DNAI7: variants seen among roughly 807,000 people sequenced by gnomAD.
DNAI7 encodes dynein axonemal intermediate chain 7, also known as cancer susceptibility 1.
DNAI7 carries 78 observed loss-of-function variants against 86.6 expected under a neutral mutation model. The ratio of observed to expected loss-of-function variants is 0.90; its 90% CI spans 0.75 to 1.09. DNAI7 has a LOEUF of 1.09. Among genes scored for constraint, DNAI7 ranks in the 50% least tolerant of loss-of-function variants. The pLI is 0.00. For missense variants in DNAI7, 753 were observed against 810.2 expected (o/e 0.93, Z 0.86); for synonymous variants, 274 against 273.0 (o/e 1.00, Z -0.04).
At chr12:25,159,902 TTTAA>T (rs1441349941) in intron 3 of DNAI7, among the ~76,000 whole-genome samples, 2 of 152,200 alleles carry the variant, frequency 1.3e-5, no homozygotes, top group Non-Finnish European at 2.9e-5. Flanking sequence ...TTTTTGGTAC[TTTAA>T]TTAATAAACA....
At chr12:25,143,032 G>GA (rs1468452295) in intron 9 of DNAI7, among the ~76,000 whole-genome samples, 6 of 145,548 alleles carry the variant, frequency 4.1e-5, no homozygotes, top group Non-Finnish European at 9.3e-5. Context: ...CTATCTTATT[G>GA]CCCAAAAAAC....
chr12:25,158,710 G>A, intron 3 of DNAI7, 147 bp from the exon 4 acceptor site: 2 of 1,482,916 alleles, frequency 1.3e-6, no homozygotes, highest in Non-Finnish European at 1.8e-6. Context: ...TGAGAAAAGT[G>A]TCAGTTCTCC....
chr12:25,134,769 G>A (rs1943346958), intron 9 of DNAI7, among the ~76,000 whole-genome samples: 1 of 152,110 alleles, frequency 6.6e-6, no homozygotes, highest in Non-Finnish European at 1.5e-5. Flanking sequence ...ACTGGATGTA[G>A]TTAAACTCAT....
intron 2 of DNAI7, among the ~76,000 whole-genome samples, chr12:25,164,397 C>A (rs1947196397): frequency 6.6e-6 from 1 of 152,100 alleles, no homozygotes; most frequent in Admixed American, 6.5e-5. Context: ...GCCTCCTTCA[C>A]TATGGGCAAG....
Position 25,113,949 on chromosome 12 carries a change from T to TG in DNAI7, c.1611+706_1611+707insC, listed in dbSNP as rs1565622441. 2.3e-3 allele frequency among the ~76,000 whole-genome samples: 123 copies of TG among 53,416 alleles called. No individual in the cohort carries two copies. In the South Asian group the frequency reaches 0.032, roughly 14 times the overall value. The allele number at this position is 53,416 out of a possible 152,430, so 35.0% of individuals were successfully genotyped here. The stretch of plus-strand genomic sequence containing the variant: ...TTCTTTCTTTCTGGGTTTTTTTTTT[T>TG]TTTTTTTTTTTTTTGAGACAGAGTT... On this transcript the variant is annotated intron_variant, in intron 13 of 15. Transcript: ENST00000395987.
At chr12:25,190,561 C>T in intron 2 of DNAI7, 53 bp downstream of exon 2, 1 of 758,428 alleles carries the variant, frequency 1.3e-6, no homozygotes, top group Non-Finnish European at 2.1e-6. Flanking sequence ...ATATTCTGTT[C>T]ATACACTGTA....
At chr12:25,108,177 T>C, downstream of DNAI7, 1 of 1,155,410 alleles carries the variant, frequency 8.7e-7, no homozygotes. Flanking sequence ...TCAGAATGAC[T>C]GTAAGATAGC....
At chr12:25,108,268 TTTTAAGGAAGAAA>T (rs532021832), downstream of DNAI7, 1 of 578,764 alleles carries the variant, frequency 1.7e-6, no homozygotes, top group Non-Finnish European at 2.9e-6. Context: ...TGAATGAGCT[TTTTAAGGAAGAAA>T]TATTATATAT....
chr12:25,132,166 A>G (rs11829456), intron 9 of DNAI7, among the ~76,000 whole-genome samples: 13,988 of 152,070 alleles, frequency 0.092, 1,983 homozygotes, highest in African/African-American at 0.31. Context: ...TTCATTTCCT[A>G]TGAGGAAAGT....
At chr12:25,107,745 T>C (rs2140294120), downstream of DNAI7, 3 of 1,424,760 alleles carry the variant, frequency 2.1e-6, no homozygotes, top group South Asian at 3.7e-5. Flanking sequence ...ACCTGACTGG[T>C]GGTGTTAGCA....
intron 8 of DNAI7, among the ~76,000 whole-genome samples, chr12:25,145,818 C>T (rs189892734): frequency 5.3e-5 from 8 of 152,290 alleles, no homozygotes; most frequent in South Asian, 2.1e-4. Flanking sequence ...CAAGCAGCAA[C>T]CAAGCACTCA....
chr12:25,137,555 T>C (rs1218099292), intron 9 of DNAI7, among the ~76,000 whole-genome samples: 1 of 152,244 alleles, frequency 6.6e-6, no homozygotes, highest in South Asian at 2.1e-4. Flanking sequence ...AATACTAACA[T>C]TGGATGTAAA....
chr12:25,149,597 A>C, intron 7 of DNAI7, 31 bp downstream of exon 7: 1 of 1,506,508 alleles, frequency 6.6e-7, no homozygotes, highest in African/African-American at 1.4e-5. Flanking sequence ...CTCTTATAAA[A>C]CTTAATATAT....
At chr12:25,187,494 G>A (rs1950134961) in intron 2 of DNAI7, among the ~76,000 whole-genome samples, 1 of 152,042 alleles carries the variant, frequency 6.6e-6, no homozygotes, top group South Asian at 2.1e-4. Flanking sequence ...TTGAATGTAA[G>A]CTTCATGAAG....
At position 25,154,435 on chromosome 12, in the gene DNAI7, C is replaced by T. The variant is rs1945919492; in HGVS notation, c.322G>A (p.Asp108Asn). The change falls in exon 6 of 16, where the codon GAT (aspartate) becomes AAT (asparagine). Residue 108 changes from aspartate to asparagine, a missense_variant. Transcript: ENST00000395987. Reference protein sequence around the residue: ...LSQWKHYIQCDGSPDPSVAQE... With the variant: ...LSQWKHYIQCNGSPDPSVAQE... ...GCTACTGAAGGATCAGGACTCCCAT[C>T]ACATTGAATGTAGTGCTTCCACTGT... 1.2e-6 allele frequency: 2 copies of T among 1,609,866 alleles called. No homozygotes were observed. Among genetic ancestry groups the T allele is most frequent in the East Asian group, 2.2e-5 (1 of 44,690 alleles).
At chr12:25,133,607 C>T (rs144584183) in intron 9 of DNAI7, among the ~76,000 whole-genome samples, 5 of 152,318 alleles carry the variant, frequency 3.3e-5, no homozygotes, top group African/African-American at 9.6e-5. Flanking sequence ...TGGGGTTCTT[C>T]GGCTTCTGTG....
intron 8 of DNAI7, among the ~76,000 whole-genome samples, chr12:25,145,988 C>A (rs181102890): frequency 6.6e-6 from 1 of 151,702 alleles, no homozygotes; most frequent in Non-Finnish European, 1.5e-5. Flanking sequence ...TTTGGGAGGC[C>A]GAGATGTGCG....
chr12:25,131,040 G>T (rs1416951122), intron 9 of DNAI7, among the ~76,000 whole-genome samples: 2 of 151,632 alleles, frequency 1.3e-5, no homozygotes, highest in Admixed American at 6.6e-5. Context: ...GGCCATAATT[G>T]CCTGCATTAT....
chr12:25,189,475 T>C (rs1328895799), intron 2 of DNAI7, among the ~76,000 whole-genome samples: 1 of 152,026 alleles, frequency 6.6e-6, no homozygotes, highest in East Asian at 1.9e-4. Context: ...ACCCTGTCTC[T>C]ACCAAAAAAT....
Sources: allele counts gnomAD v4.1 joint callset (sites outside exome capture counted in the v4.1 genomes callset), GRCh38; gene constraint gnomAD v4.1.1; transcripts MANE v1.5; gene names NCBI Gene and HGNC (gene_info 2026-07-23, HGNC 2026-07-21).